Variants in KCNQ1 observed in about 807,000 individuals in gnomAD.
KCNQ1 encodes potassium voltage-gated channel subfamily Q member 1.
Under a neutral mutation model 72.4 loss-of-function variants are expected in KCNQ1, and 49 were observed. The observed-to-expected ratio is 0.68, with a 90% CI of 0.54 to 0.86. The LOEUF (loss-of-function observed/expected upper bound fraction) is 0.86, where lower values mean the gene tolerates loss of function less well. KCNQ1 is among the 40% of genes least tolerant of loss of function. KCNQ1 has a pLI of 0.00. For missense variants in KCNQ1, 790 were observed against 945.1 expected (o/e 0.84, Z 2.15); for synonymous variants, 450 against 412.6 (o/e 1.09, Z -1.10).
intron 11 of KCNQ1, among the ~76,000 whole-genome samples, chr11:2,751,075 T>G (rs1214952117): frequency 6.6e-6 from 1 of 152,114 alleles, no homozygotes; most frequent in East Asian, 1.9e-4. Flanking sequence ...TCTGCCCAAT[T>G]TGGGTCACCC....
Position 2,808,179 on chromosome 11 carries a change from T to C in KCNQ1, c.1794+30142T>C, listed in dbSNP as rs943651508. On this transcript the variant is annotated intron_variant, in intron 15 of 15. Coordinates refer to ENST00000155840, the MANE Select transcript of KCNQ1 (RefSeq NM_000218.3). This position sits in a 1 kb window ranked among gnomAD's most constrained non-coding sequence, Gnocchi z 6.0. The stretch of plus-strand genomic sequence containing the variant: ...TGCCAAGCACCAGACCAAGATCTGA[T>C]GCCATCTGCCCAGGGCATTGAGGGT... Among the ~76,000 whole-genome samples the C allele has an allele frequency of 1.3e-5, 2 of 152,184 alleles. No individual in the cohort carries two copies. The highest frequency in any genetic ancestry group is 4.8e-5 in the African/African-American group (2 of 41,456).
rs77641778 is a variant in KCNQ1, at chr11:2,557,387, G to A, written c.478-13241G>A. 4.6e-5 allele frequency among the ~76,000 whole-genome samples: 7 copies of A among 152,348 alleles called. No homozygotes were observed. The East Asian group carries it at 1.3e-3, about 29-fold the overall frequency. ...CCTCTTTTGGAATAGGACAGTTCTA[G>A]TGGGCACAAAATAAGTGAGGACATG... On this transcript the variant is annotated intron_variant, in intron 2 of 15. Coordinates refer to ENST00000155840, the MANE Select transcript of KCNQ1 (RefSeq NM_000218.3).
At chr11:2,706,896 G>A (rs1192939528) in intron 11 of KCNQ1, among the ~76,000 whole-genome samples, 2 of 152,242 alleles carry the variant, frequency 1.3e-5, no homozygotes, top group South Asian at 2.1e-4. Flanking sequence ...GCAGCAGAGA[G>A]CTGTGGCATT....
rs1849178327 is a variant in KCNQ1 at position 2,621,880 on chromosome 11, G to C, written c.1393+33026G>C. 6 of 398,004 alleles carry C rather than the reference G, an allele frequency of 1.5e-5. No individual in the cohort carries two copies. The allele number at this position is 398,004 out of a possible 1,614,324, so 24.7% of individuals were successfully genotyped here. ...TGGTTTTTCTTTCTAACTTGTCTCT[G>C]TTCTGATCTTTATTATTTCCTTCTG... On this transcript the variant is annotated intron_variant, in intron 10 of 15. Transcript: ENST00000155840. The surrounding 1 kb of genome is among the most constrained non-coding windows in gnomAD (Gnocchi z 5.7).
chr11:2,691,866 C>A lies in KCNQ1; in HGVS notation c.1514+29785C>A. The A allele has an allele frequency of 2.5e-6, 1 of 398,730 alleles. No individual in the cohort carries two copies. The highest frequency in any genetic ancestry group is 4.4e-6 in the Non-Finnish European group (1 of 226,148). 24.7% of individuals were successfully genotyped at this position (398,730 alleles called of 1,614,324 possible). A position where few individuals can be genotyped will look rare whatever the true frequency, so the allele number is the denominator to read the frequency against. On this transcript the variant is annotated intron_variant, in intron 11 of 15. Coordinates refer to ENST00000155840, the MANE Select transcript of KCNQ1 (RefSeq NM_000218.3). The surrounding 1 kb of genome is among the most constrained non-coding windows in gnomAD (Gnocchi z 6.4). ...GACCCCTAGGTCCTCTTTTCCATCC[C>A]TCCAGTTCTCCTGGCTTTCTTGCCA...
rs1301465034 is a variant in KCNQ1, at chr11:2,769,535, A to C, written c.1590+616A>C. Among the ~76,000 whole-genome samples, 1 of 152,184 alleles carries C rather than the reference A, an allele frequency of 6.6e-6. No homozygotes were observed. Among genetic ancestry groups the C allele is most frequent in the East Asian group, 1.9e-4 (1 of 5,166 alleles). On this transcript the variant is annotated intron_variant, in intron 12 of 15. Coordinates refer to ENST00000155840, the MANE Select transcript of KCNQ1 (RefSeq NM_000218.3). This position sits in a 1 kb window ranked among gnomAD's most constrained non-coding sequence, Gnocchi z 4.6. ...CCTACAGAAGCCCCTTAGAGCCCCC[A>C]GAGTCCATGCCCCGCAGAGAATGCC...
chr11:2,740,625 C>T (rs909944100), intron 11 of KCNQ1, among the ~76,000 whole-genome samples: 1 of 152,198 alleles, frequency 6.6e-6, no homozygotes, highest in Non-Finnish European at 1.5e-5. Context: ...GAACAAGTCG[C>T]CAAAATTTTG....
At chr11:2,476,063 G>T (rs962158566) in intron 1 of KCNQ1, among the ~76,000 whole-genome samples, 9 of 152,144 alleles carry the variant, frequency 5.9e-5, no homozygotes, top group African/African-American at 2.2e-4. Flanking sequence ...TCACCTCTTC[G>T]AGTCTCTGGT....
chr11:2,602,048 A>T lies in KCNQ1; in HGVS notation c.1393+13194A>T, dbSNP rs533587727. 6.6e-6 allele frequency among the ~76,000 whole-genome samples: 1 copy of T among 152,358 alleles called. No homozygotes were observed. Among genetic ancestry groups the T allele is most frequent in the African/African-American group, 2.4e-5 (1 of 41,580 alleles). ...ACAAGGGTCCTTATAACAGGGAGGC[A>T]GAAGAATGACTACAGAAGAGAAAAA... is the stretch of plus-strand genomic sequence containing the variant. On this transcript the variant is annotated intron_variant, in intron 10 of 15. Coordinates refer to ENST00000155840, the MANE Select transcript of KCNQ1 (RefSeq NM_000218.3). The surrounding 1 kb of genome is among the most constrained non-coding windows in gnomAD (Gnocchi z 4.8).
Position 2,471,227 on chromosome 11 carries a change from G to A in KCNQ1, c.386+25743G>A, listed in dbSNP as rs911922453. Among the ~76,000 whole-genome samples, 1 of 152,102 alleles carries A rather than the reference G, an allele frequency of 6.6e-6. No individual in the cohort carries two copies. The highest frequency in any genetic ancestry group is 1.5e-5 in the Non-Finnish European group (1 of 68,008). On this transcript the variant is annotated intron_variant, in intron 1 of 15. Coordinates refer to ENST00000155840, the MANE Select transcript of KCNQ1 (RefSeq NM_000218.3). This position sits in a 1 kb window ranked among gnomAD's most constrained non-coding sequence, Gnocchi z 4.8. ...ACCTAGGACTCTGAACCTCCAACTG[G>A]TGTGGCTTCAGGGTCCCCAACTTTT...
At chr11:2,751,634 G>A (rs530914156) in intron 11 of KCNQ1, among the ~76,000 whole-genome samples, 4 of 152,256 alleles carry the variant, frequency 2.6e-5, no homozygotes, top group African/African-American at 9.6e-5. Context: ...TCTGACAGGC[G>A]GCTGTTCTGA....
chr11:2,805,406 GC>G (rs1264806712), intron 15 of KCNQ1, among the ~76,000 whole-genome samples: 2 of 152,200 alleles, frequency 1.3e-5, no homozygotes, highest in Non-Finnish European at 2.9e-5. Flanking sequence ...AAAAGCACTC[GC>G]CCCGCAGTAG....
At chr11:2,622,030 A>C in intron 10 of KCNQ1, 1 of 397,944 alleles carries the variant, frequency 2.5e-6, no homozygotes. Flanking sequence ...CCCTCTTAGA[A>C]CTGCTTTTGC....
Position 2,632,636 on chromosome 11 carries a change from A to T in KCNQ1, c.1394-29325A>T, listed in dbSNP as rs1849379572. The T allele has an allele frequency of 1.0e-5, 4 of 398,274 alleles. No individual in the cohort carries two copies. In the Admixed American group the frequency reaches 1.8e-4, roughly 18 times the overall value. 24.7% of individuals were successfully genotyped at this position (398,274 alleles called of 1,614,324 possible). On this transcript the variant is annotated intron_variant, in intron 10 of 15. Transcript: ENST00000155840. ...TCAAATCAGGGTAATTAGCATATTC[A>T]TCAACTCAAATATCATTTCTCTGTT...
intron 15 of KCNQ1, among the ~76,000 whole-genome samples, chr11:2,793,233 T>A (rs1357755826): frequency 6.6e-6 from 1 of 152,192 alleles, no homozygotes; most frequent in Non-Finnish European, 1.5e-5. Context: ...TGATAGCCCC[T>A]CTTACTGAGA....
intron 1 of KCNQ1, chr11:2,461,401 C>T (rs1241042355): frequency 1.6e-6 from 2 of 1,268,212 alleles, no homozygotes; most frequent in African/African-American, 3.1e-5. Context: ...GATAAGCCTG[C>T]TGACTGGGTG....
At chr11:2,649,900 A>G (rs1564845105) in intron 10 of KCNQ1, 6 of 398,450 alleles carry the variant, frequency 1.5e-5, no homozygotes, top group Non-Finnish European at 1.8e-5. Context: ...CCTTATCCCA[A>G]CACTTCTTCT....
chr11:2,529,631 G>T (rs752883904), intron 2 of KCNQ1, among the ~76,000 whole-genome samples: 18 of 152,190 alleles, frequency 1.2e-4, no homozygotes, highest in Non-Finnish European at 2.5e-4. Context: ...TGGCGTCTGC[G>T]AAAGCTGTTA....
rs1016230988 is a variant in KCNQ1, at chr11:2,659,198, C to T, written c.1394-2763C>T. The T allele has an allele frequency of 1.5e-5, 6 of 398,590 alleles. No homozygotes were observed. The highest frequency in any genetic ancestry group is 7.1e-5 in the East Asian group (2 of 28,072). 24.7% of individuals were successfully genotyped at this position (398,590 alleles called of 1,614,324 possible). A position where few individuals can be genotyped will look rare whatever the true frequency, so the allele number is the denominator to read the frequency against. On this transcript the variant is annotated intron_variant, in intron 10 of 15. Coordinates refer to ENST00000155840, the MANE Select transcript of KCNQ1 (RefSeq NM_000218.3). This position sits in a 1 kb window ranked among gnomAD's most constrained non-coding sequence, Gnocchi z 4.3. ...ATGTCTGGAGTCATGTGTCCACAAT[C>T]CAGTATCATTCACAGAAGTTCCATA...
Sources: allele counts gnomAD v4.1 joint callset (sites outside exome capture counted in the v4.1 genomes callset), GRCh38; gene constraint gnomAD v4.1.1; non-coding constraint Gnocchi (gnomAD v3.1); transcripts MANE v1.5; gene names NCBI Gene and HGNC (gene_info 2026-07-23, HGNC 2026-07-21).